CACNA1E: variants seen among roughly 807,000 people sequenced by gnomAD.
The protein encoded by CACNA1E is voltage-dependent R-type calcium channel subunit alpha-1E.
Under a neutral mutation model 259.2 loss-of-function variants are expected in CACNA1E, and 40 were observed. That is an observed-to-expected ratio of 0.15 (90% CI 0.12 to 0.20). The LOEUF (loss-of-function observed/expected upper bound fraction) is 0.20, where lower values mean the gene tolerates loss of function less well. Among genes scored for constraint, CACNA1E ranks in the 10% least tolerant of loss-of-function variants. The pLI is 1.00. For missense variants in CACNA1E, 1,874 were observed against 3,040.1 expected, an observed-to-expected ratio of 0.62 and a Z score of 9.02; for synonymous variants, 1,104 against 1,138.5, an observed-to-expected ratio of 0.97 and a Z score of 0.61.
At chr1:181,342,533 A>G (rs1652246455) in intron 1 of CACNA1E, among the ~76,000 whole-genome samples, 1 of 152,186 alleles carries the variant, frequency 6.6e-6, no homozygotes, top group Non-Finnish European at 1.5e-5. Context: ...ACACACACGG[A>G]TGAATTTCCT....
Position 181,715,372 on chromosome 1 carries a change from TG to T in CACNA1E, c.1208del (p.Gly403GlufsTer5). On this transcript the variant is annotated frameshift_variant, in exon 9 of 48. Coordinates refer to ENST00000367573, the MANE Select transcript of CACNA1E (RefSeq NM_001205293.3). LOFTEE classifies it high-confidence loss of function. Reference protein sequence around the residue: ...VMLAEENKNAGTSALEVLRRA... With the variant: ...VMLAEENKNAXTSALEVLRRA... The stretch of plus-strand genomic sequence containing the variant: ...TGCTCGCTGAAGAAAATAAAAATGC[TG>T]GAACATCCGCCTTAGAAGGTAAGGA... 1 of 1,600,062 alleles carries T rather than the reference TG, an allele frequency of 6.2e-7. No homozygotes were observed. Among genetic ancestry groups the T allele is most frequent in the Non-Finnish European group, 8.5e-7 (1 of 1,169,798 alleles).
At chr1:181,390,321 A>ATTT (rs1656169034) in intron 1 of CACNA1E, among the ~76,000 whole-genome samples, 2 of 141,100 alleles carry the variant, frequency 1.4e-5, no homozygotes, top group Non-Finnish European at 3.1e-5. Flanking sequence ...TTATTTATTT[A>ATTT]TTTATTTATT....
intron 7 of CACNA1E, among the ~76,000 whole-genome samples, chr1:181,686,290 T>TTTTTGTTTTTTG (rs1650553493): frequency 2.2e-5 from 3 of 137,304 alleles, no homozygotes; most frequent in Non-Finnish European, 4.7e-5. Flanking sequence ...TTTTTTTTTT[T>TTTTTGTTTTTTG]TTTTTTTTTT....
intron 6 of CACNA1E, among the ~76,000 whole-genome samples, chr1:181,592,709 C>T (rs1238605342): frequency 6.6e-6 from 1 of 151,924 alleles, no homozygotes; most frequent in Non-Finnish European, 1.5e-5. Context: ...AATGTCATGC[C>T]CTGTCTTTGG....
intron 6 of CACNA1E, among the ~76,000 whole-genome samples, chr1:181,605,476 C>G: frequency 6.6e-6 from 1 of 152,106 alleles, no homozygotes; most frequent in Non-Finnish European, 1.5e-5. Flanking sequence ...GTTTCCTTTT[C>G]TTCGTGTTTT....
At chr1:181,525,058 A>G (rs1667256968) in intron 3 of CACNA1E, among the ~76,000 whole-genome samples, 1 of 152,236 alleles carries the variant, frequency 6.6e-6, no homozygotes, top group Non-Finnish European at 1.5e-5. Flanking sequence ...ATAATAAGAT[A>G]CCTGCCCCCA....
intron 7 of CACNA1E, among the ~76,000 whole-genome samples, chr1:181,689,656 T>A (rs943181047): frequency 4.6e-5 from 7 of 152,194 alleles, no homozygotes. Flanking sequence ...TTCCTGACTT[T>A]AATAATTGCC....
intron 3 of CACNA1E, among the ~76,000 whole-genome samples, chr1:181,572,156 A>G (rs1394110836): frequency 6.6e-6 from 1 of 152,180 alleles, no homozygotes; most frequent in African/African-American, 2.4e-5. Flanking sequence ...TGTGCCTGTG[A>G]AAAGATATTA....
At chr1:181,525,286 A>G (rs1667274342) in intron 3 of CACNA1E, among the ~76,000 whole-genome samples, 1 of 152,194 alleles carries the variant, frequency 6.6e-6, no homozygotes, top group Non-Finnish European at 1.5e-5. Flanking sequence ...TTAAATAGGG[A>G]AGAGATGGAA....
rs755426393 is a variant in CACNA1E, at chr1:181,798,459, CGAG to C, written c.6572_6574del (p.Glu2191del). 56 of 1,613,716 alleles carry C rather than the reference CGAG, an allele frequency of 3.5e-5. No individual in the cohort carries two copies. The Middle Eastern group carries it at 4.9e-4, about 14-fold the overall frequency. On this transcript the variant is annotated inframe_deletion, in exon 48 of 48. Transcript: ENST00000367573. This position sits in a 1 kb window ranked among gnomAD's most constrained non-coding sequence, Gnocchi z 4.2. ...GCATCTCTCCACCTGCTGATGGAAGCGAGGAGGGCTCCCCGCTGACCTCCCAAG... is the reference window on the plus strand; with the variant it reads ...GCATCTCTCCACCTGCTGATGGAAGCGAGGGCTCCCCGCTGACCTCCCAAG...
intron 1 of CACNA1E, among the ~76,000 whole-genome samples, chr1:181,334,698 G>C (rs1458442394): frequency 6.6e-6 from 1 of 152,146 alleles, no homozygotes. Context: ...CTACCAGCCT[G>C]GTTCAAGCTA....
At chr1:181,353,993 C>G (rs998276329) in intron 1 of CACNA1E, among the ~76,000 whole-genome samples, 1 of 152,244 alleles carries the variant, frequency 6.6e-6, no homozygotes, top group African/African-American at 2.4e-5. Context: ...TTTTAGTAAA[C>G]AGCCACTTCT....
chr1:181,603,658 C>G (rs1653955271), intron 6 of CACNA1E, among the ~76,000 whole-genome samples: 1 of 151,758 alleles, frequency 6.6e-6, no homozygotes, highest in Admixed American at 6.6e-5. Context: ...AGGGCCATCT[C>G]TTAGATGAAA....
intron 4 of CACNA1E, among the ~76,000 whole-genome samples, chr1:181,578,317 T>C (rs1285499262): frequency 6.6e-6 from 1 of 152,154 alleles, no homozygotes; most frequent in Non-Finnish European, 1.5e-5. Flanking sequence ...CTTGGGAGGC[T>C]GAGGTGGGTG....
At chr1:181,706,271 C>T (rs556278048) in intron 7 of CACNA1E, among the ~76,000 whole-genome samples, 4 of 152,180 alleles carry the variant, frequency 2.6e-5, no homozygotes, top group African/African-American at 7.2e-5. Flanking sequence ...ACTAAATAAC[C>T]GTAATATGCA....
intron 6 of CACNA1E, among the ~76,000 whole-genome samples, chr1:181,634,664 A>G (rs981693222): frequency 6.6e-6 from 1 of 152,168 alleles, no homozygotes; most frequent in Non-Finnish European, 1.5e-5. Flanking sequence ...AATTATGTGT[A>G]TGCTAGCCTT....
At chr1:181,415,839 A>G (rs1388950127) in intron 2 of CACNA1E, among the ~76,000 whole-genome samples, 1 of 152,096 alleles carries the variant, frequency 6.6e-6, no homozygotes, top group African/African-American at 2.4e-5. Context: ...GGCTCTGTAC[A>G]TGCCTTAATT....
chr1:181,617,099 A>C (rs906519089), intron 6 of CACNA1E, among the ~76,000 whole-genome samples: 3 of 152,154 alleles, frequency 2.0e-5, no homozygotes, highest in Admixed American at 2.0e-4. Flanking sequence ...GAAGTTTATC[A>C]AATTCATTAG....
upstream of CACNA1E, among the ~76,000 whole-genome samples, chr1:181,479,588 A>C (rs544977084): frequency 2.0e-5 from 3 of 152,308 alleles, no homozygotes; most frequent in East Asian, 5.8e-4. Context: ...CTGGTCATGA[A>C]CTTTTTCTGA....
Sources: allele counts gnomAD v4.1 joint callset (sites outside exome capture counted in the v4.1 genomes callset), GRCh38; gene constraint gnomAD v4.1.1; non-coding constraint Gnocchi (gnomAD v3.1); transcripts MANE v1.5; gene names NCBI Gene and HGNC (gene_info 2026-07-23, HGNC 2026-07-21).